COMMD1: variants seen among roughly 807,000 people sequenced by gnomAD.
COMMD1 encodes the protein COMM domain-containing protein 1.
COMMD1 carries 10 observed loss-of-function variants against 17.2 expected under a neutral mutation model. That is an observed-to-expected ratio of 0.58 (90% CI 0.36 to 0.99). The LOEUF is 0.99. Ranked by LOEUF, COMMD1 falls within the 50% of genes least tolerant of loss-of-function variation. The pLI is 0.01. For synonymous variants in COMMD1, 97 were observed against 91.6 expected (o/e 1.06, Z -0.34); for missense variants, 270 against 231.8 (o/e 1.17, Z -1.07).
At chr2:61,957,096 G>GTGTA (rs1671219500) in intron 1 of COMMD1, among the ~76,000 whole-genome samples, 1 of 148,298 alleles carries the variant, frequency 6.7e-6, no homozygotes, top group Non-Finnish European at 1.5e-5. Context: ...GCGTGTGTGT[G>GTGTA]TGTGTGTGTG....
chr2:62,029,203 C>G (rs1283650815), intron 2 of COMMD1, among the ~76,000 whole-genome samples: 2 of 151,818 alleles, frequency 1.3e-5, no homozygotes, highest in Non-Finnish European at 2.9e-5. Flanking sequence ...AATTAGATAT[C>G]CAAATCTAAT....
At chr2:62,085,354 A>G (rs552940809) in intron 2 of COMMD1, among the ~76,000 whole-genome samples, 1 of 151,474 alleles carries the variant, frequency 6.6e-6, no homozygotes, top group South Asian at 2.1e-4. Flanking sequence ...AGCAGCTGGA[A>G]CTACAGGCGC....
upstream of COMMD1, among the ~76,000 whole-genome samples, chr2:61,901,982 G>C (rs1351741996): frequency 6.6e-6 from 1 of 151,774 alleles, no homozygotes; most frequent in Non-Finnish European, 1.5e-5. Flanking sequence ...ACAGGCACGC[G>C]CCATCACGCC....
intron 1 of COMMD1, among the ~76,000 whole-genome samples, chr2:61,977,241 CTTTTT>C (rs1160361696): frequency 1.1e-5 from 1 of 88,810 alleles, no homozygotes; most frequent in Non-Finnish European, 2.2e-5. Flanking sequence ...ATAAAGTTTG[CTTTTT>C]TTTTTTTTTT....
chr2:61,942,591 G>A (rs144139195), intron 1 of COMMD1, among the ~76,000 whole-genome samples: 2 of 144,022 alleles, frequency 1.4e-5, no homozygotes, highest in Non-Finnish European at 3.0e-5. Context: ...CCAGGCTGAA[G>A]GGCAGTGGTG....
chr2:62,002,025 CTGGG>C (rs1219765622), intron 2 of COMMD1, among the ~76,000 whole-genome samples: 4 of 151,890 alleles, frequency 2.6e-5, no homozygotes, highest in Non-Finnish European at 5.9e-5. Flanking sequence ...ACAAAATTAG[CTGGG>C]CATGGTGGCA....
At chr2:62,079,712 G>C (rs112030512) in intron 2 of COMMD1, 2 of 152,108 alleles carry the variant, frequency 1.3e-5, no homozygotes, top group African/African-American at 2.4e-5. Context: ...GACATAGTAC[G>C]TACTTAGAAA....
At chr2:62,069,505 T>A (rs1263459482) in intron 2 of COMMD1, 2 of 152,100 alleles carry the variant, frequency 1.3e-5, no homozygotes, top group Non-Finnish European at 2.9e-5. Flanking sequence ...GCTCAGATAG[T>A]ATTAGGAGTA....
At chr2:62,108,743 C>T (rs897043758) in intron 2 of COMMD1, among the ~76,000 whole-genome samples, 1 of 152,156 alleles carries the variant, frequency 6.6e-6, no homozygotes, top group Non-Finnish European at 1.5e-5. Flanking sequence ...AAAAATCATT[C>T]TGCGAAGGTG....
chr2:61,984,608 C>T (rs755214985), intron 1 of COMMD1, among the ~76,000 whole-genome samples: 1 of 152,106 alleles, frequency 6.6e-6, no homozygotes, highest in Non-Finnish European at 1.5e-5. Flanking sequence ...GATTCATGTG[C>T]TAAGGAAAAG....
At chr2:62,039,708 C>A (rs1156769058) in intron 2 of COMMD1, among the ~76,000 whole-genome samples, 1 of 152,088 alleles carries the variant, frequency 6.6e-6, no homozygotes, top group East Asian at 1.9e-4. Flanking sequence ...TGAGATATGC[C>A]AGGTAGTATT....
chr2:62,038,004 T>A (rs913783444), intron 2 of COMMD1, among the ~76,000 whole-genome samples: 2 of 152,106 alleles, frequency 1.3e-5, no homozygotes, highest in African/African-American at 2.4e-5. Context: ...AACTGGTGAA[T>A]CAGTCTGGGC....
In COMMD1 at chr2:61,919,877, A is replaced by G. The variant is rs574793735; in HGVS notation, c.180+14019A>G. On this transcript the variant is annotated intron_variant, in intron 1 of 2. Transcript: ENST00000311832. ...TGCAATGACGCATGCCTATAATCCC[A>G]GCACTTTGGGAGGCTGAGGTGGGAG... is the stretch of plus-strand genomic sequence containing the variant. 2.7e-4 allele frequency among the ~76,000 whole-genome samples: 41 copies of G among 152,258 alleles called. 1 individual carries two copies. The highest frequency in any genetic ancestry group is 9.9e-4 in the African/African-American group (41 of 41,552).
intron 1 of COMMD1, among the ~76,000 whole-genome samples, chr2:61,916,601 AT>A (rs1314354075): frequency 6.6e-6 from 1 of 151,132 alleles, no homozygotes; most frequent in Non-Finnish European, 1.5e-5. Context: ...TAAAAAAAAA[AT>A]TTTTTTTAGC....
intron 1 of COMMD1, among the ~76,000 whole-genome samples, chr2:61,967,830 A>T (rs1671543354): frequency 6.6e-6 from 1 of 152,198 alleles, no homozygotes; most frequent in Non-Finnish European, 1.5e-5. Flanking sequence ...GGCTCTCATC[A>T]CTGGCTTTCA....
At chr2:62,028,504 T>C (rs551552245) in intron 2 of COMMD1, among the ~76,000 whole-genome samples, 1 of 152,222 alleles carries the variant, frequency 6.6e-6, no homozygotes, top group East Asian at 1.9e-4. Flanking sequence ...AAAACTTGAG[T>C]CTGGGAGGTC....
At chr2:62,068,620 CTTTTTTTTTTTT>C (rs67517468) in intron 2 of COMMD1, among the ~76,000 whole-genome samples, 4 of 89,260 alleles carry the variant, frequency 4.5e-5, no homozygotes, top group South Asian at 7.0e-4. Context: ...GTAGTATAAT[CTTTTTTTTTTTT>C]TTTTTTTTTT....
intron 2 of COMMD1, among the ~76,000 whole-genome samples, chr2:62,120,898 T>G (rs985180036): frequency 8.5e-5 from 13 of 152,130 alleles, no homozygotes; most frequent in African/African-American, 3.1e-4. Flanking sequence ...AATTTTTGTT[T>G]TTGTTTTTGT....
chr2:62,114,462 T>C (rs1204704936), intron 2 of COMMD1, among the ~76,000 whole-genome samples: 1 of 152,212 alleles, frequency 6.6e-6, no homozygotes, highest in Non-Finnish European at 1.5e-5. Context: ...GACTTCCTGA[T>C]TTTTCAGTGT....
Sources: allele counts gnomAD v4.1 joint callset (sites outside exome capture counted in the v4.1 genomes callset), GRCh38; gene constraint gnomAD v4.1.1; transcripts MANE v1.5; gene names NCBI Gene and HGNC (gene_info 2026-07-23, HGNC 2026-07-21).